MAD1L1: variants seen among roughly 807,000 people sequenced by gnomAD.
The protein encoded by MAD1L1 is mitotic arrest deficient 1 like 1.
Under a neutral mutation model 96.9 loss-of-function variants are expected in MAD1L1, and 95 were observed. The ratio of observed to expected loss-of-function variants is 0.98; its 90% CI spans 0.83 to 1.16. MAD1L1 has a LOEUF of 1.16. Among genes scored for constraint, MAD1L1 ranks in the 50% most tolerant of loss-of-function variants. MAD1L1 has a pLI of 0.00. For missense variants in MAD1L1, 1,007 were observed against 954.4 expected (o/e 1.06, Z -0.73); for synonymous variants, 473 against 396.6 (o/e 1.19, Z -2.29).
chr7:2,026,433 A>G (rs546496815), intron 12 of MAD1L1, among the ~76,000 whole-genome samples: 18 of 152,248 alleles, frequency 1.2e-4, no homozygotes, highest in Admixed American at 9.2e-4. Context: ...TGTGAAGAAT[A>G]AGATTAACAA....
intron 11 of MAD1L1, among the ~76,000 whole-genome samples, chr7:2,102,906 C>T (rs997600315): frequency 2.6e-5 from 4 of 152,216 alleles, no homozygotes; most frequent in African/African-American, 9.6e-5. Flanking sequence ...CTTCTCCTAC[C>T]CACTCCTAAA....
At chr7:1,931,318 C>G (rs945902294) in intron 17 of MAD1L1, among the ~76,000 whole-genome samples, 1 of 152,368 alleles carries the variant, frequency 6.6e-6, no homozygotes, top group East Asian at 1.9e-4. Context: ...GCGGGCACAC[C>G]CTTGCTCCTC....
chr7:2,001,243 A>G (rs1781778286), intron 14 of MAD1L1, among the ~76,000 whole-genome samples: 1 of 152,278 alleles, frequency 6.6e-6, no homozygotes, highest in South Asian at 2.1e-4. Flanking sequence ...CCTGTGACCC[A>G]GGCCAGCCTG....
At chr7:2,143,641 G>A (rs1407428434) in intron 11 of MAD1L1, among the ~76,000 whole-genome samples, 2 of 151,994 alleles carry the variant, frequency 1.3e-5, no homozygotes, top group Non-Finnish European at 2.9e-5. Flanking sequence ...CCTGATGGCA[G>A]CAGTAGATGA....
At chr7:2,108,982 C>G (rs56248405) in intron 11 of MAD1L1, among the ~76,000 whole-genome samples, 1 of 152,364 alleles carries the variant, frequency 6.6e-6, no homozygotes, top group African/African-American at 2.4e-5. Context: ...CAGGCGCTAC[C>G]AAGTATGGGT....
At chr7:1,852,263 CG>C (rs1248891870) in intron 18 of MAD1L1, among the ~76,000 whole-genome samples, 1 of 152,178 alleles carries the variant, frequency 6.6e-6, no homozygotes, top group East Asian at 1.9e-4. Flanking sequence ...TCAGGGATGA[CG>C]GCAGCTGGGT....
intron 12 of MAD1L1, among the ~76,000 whole-genome samples, chr7:2,027,389 C>T (rs186142825): frequency 3.3e-5 from 5 of 152,236 alleles, no homozygotes; most frequent in East Asian, 3.9e-4. Flanking sequence ...AACCTGAAAA[C>T]GACATTCTGA....
intron 11 of MAD1L1, among the ~76,000 whole-genome samples, chr7:2,106,005 C>G (rs111791688): frequency 0.33 from 37,903 of 115,678 alleles, 7,518 homozygotes; most frequent in East Asian, 0.61. Context: ...ATGGCCCCGC[C>G]CCTGCCCCAC....
chr7:2,121,499 G>A (rs542161933), intron 11 of MAD1L1, among the ~76,000 whole-genome samples: 1 of 152,242 alleles, frequency 6.6e-6, no homozygotes, highest in African/African-American at 2.4e-5. Context: ...CACCAGGCAG[G>A]TGCTCACTGA....
rs747686344 is a variant in MAD1L1 at position 2,230,002 on chromosome 7, C to A, written c.132G>T (p.Gln44His). Reference protein sequence around the residue: ...STSAPGSLQMQYQQSMQLEER... With the variant: ...STSAPGSLQMHYQQSMQLEER... Reference sequence around the variant, plus strand: ...CACTCACCTGCATGCTCTGCTGGTACTGCATCTGCAGAGAACCTGGGGCCG... The same window carrying A: ...CACTCACCTGCATGCTCTGCTGGTAATGCATCTGCAGAGAACCTGGGGCCG... The change falls in exon 3 of 19, where the codon CAG becomes CAT. Residue 44 changes from glutamine (Q) to histidine (H), a missense_variant. By Grantham distance (24) the Gln-to-His change is conservative (BLOSUM62 0). Coordinates refer to ENST00000265854, the MANE Select transcript of MAD1L1 (RefSeq NM_001013836.2). The A allele has an allele frequency of 1.9e-6, 3 of 1,613,116 alleles. No homozygotes were observed. The South Asian group carries it at 3.3e-5, about 18-fold the overall frequency.
intron 12 of MAD1L1, among the ~76,000 whole-genome samples, chr7:2,050,858 G>A (rs542887004): frequency 6.6e-5 from 10 of 152,320 alleles, no homozygotes; most frequent in Middle Eastern, 3.4e-3. Context: ...AATGTCTCCA[G>A]GAGGGGCCTA....
At chr7:1,990,110 G>A (rs777711930) in intron 14 of MAD1L1, among the ~76,000 whole-genome samples, 3 of 152,244 alleles carry the variant, frequency 2.0e-5, no homozygotes, top group South Asian at 2.1e-4. Flanking sequence ...CCACATGCGC[G>A]TGCACCCGCC....
At chr7:1,972,715 C>G (rs1780460525) in intron 15 of MAD1L1, among the ~76,000 whole-genome samples, 1 of 151,934 alleles carries the variant, frequency 6.6e-6, no homozygotes, top group Non-Finnish European at 1.5e-5. Context: ...TTGCTCTGGG[C>G]TATTCCACTC....
At chr7:1,857,453 A>T (rs56047218) in intron 18 of MAD1L1, among the ~76,000 whole-genome samples, 3,092 of 152,116 alleles carry the variant, frequency 0.02, 107 homozygotes, top group African/African-American at 0.071. Context: ...CTGCTGTCAC[A>T]TAGGCACTCC....
intron 11 of MAD1L1, among the ~76,000 whole-genome samples, chr7:2,125,603 A>C (rs945414588): frequency 4.6e-5 from 7 of 152,128 alleles, no homozygotes; most frequent in Admixed American, 4.6e-4. Flanking sequence ...GTGAGGCAGC[A>C]CCTCACCGGC....
chr7:1,875,728 G>C (rs759608013), intron 18 of MAD1L1, among the ~76,000 whole-genome samples: 17 of 152,246 alleles, frequency 1.1e-4, no homozygotes, highest in African/African-American at 3.4e-4. Flanking sequence ...AGACGTGTGC[G>C]AACATCTATG....
chr7:1,829,182 G>C (rs1782579226), intron 18 of MAD1L1, among the ~76,000 whole-genome samples: 1 of 152,250 alleles, frequency 6.6e-6, no homozygotes, highest in African/African-American at 2.4e-5. Flanking sequence ...TTCTGAAATG[G>C]CTCCTGATGG....
chr7:1,927,272 A>G (rs1789143610), intron 17 of MAD1L1, among the ~76,000 whole-genome samples: 1 of 152,248 alleles, frequency 6.6e-6, no homozygotes, highest in Non-Finnish European at 1.5e-5. Flanking sequence ...GTGTTCATGT[A>G]TCGGAAGACT....
At chr7:2,212,297 A>C (rs1310424804) in intron 10 of MAD1L1, among the ~76,000 whole-genome samples, 1 of 152,218 alleles carries the variant, frequency 6.6e-6, no homozygotes, top group East Asian at 1.9e-4. Context: ...CCACCACCCA[A>C]GCGCTGGCAC....
Sources: gnomAD v4.1 joint callset for allele counts (sites outside exome capture counted in the v4.1 genomes callset) on GRCh38, gnomAD v4.1.1 for gene constraint, MANE v1.5 for transcripts, NCBI Gene and HGNC (gene_info 2026-07-23, HGNC 2026-07-21) for gene names.